The following MAGI2 variants were observed in gnomAD, a reference collection of about 807,000 sequenced individuals.
The protein encoded by MAGI2 is membrane-associated guanylate kinase, WW and PDZ domain-containing protein 2.
A neutral mutation model predicts 133.3 loss-of-function variants in MAGI2; 35 were observed. The observed-to-expected ratio is 0.26, with a 90% CI of 0.20 to 0.35. The LOEUF (loss-of-function observed/expected upper bound fraction) is 0.35. Ranked by LOEUF, MAGI2 falls within the 10% of genes least tolerant of loss-of-function variation. The pLI is 1.00. For synonymous variants in MAGI2, 729 were observed against 710.6 expected, an observed-to-expected ratio of 1.03 and a Z score of -0.41; for missense variants, 1,636 against 1,863.4, an observed-to-expected ratio of 0.88 and a Z score of 2.25.
At chr7:78,908,635 G>A (rs2151608607) in intron 2 of MAGI2, among the ~76,000 whole-genome samples, 1 of 152,268 alleles carries the variant, frequency 6.6e-6, no homozygotes, top group African/African-American at 2.4e-5. Context: ...AATCAACTGA[G>A]AAAGAAAATA....
intron 1 of MAGI2, among the ~76,000 whole-genome samples, chr7:79,268,410 G>A (rs1834636337): frequency 1.3e-5 from 2 of 152,206 alleles, no homozygotes; most frequent in South Asian, 4.1e-4. Context: ...AGGCATTGAC[G>A]ATGTATTAAG....
chr7:78,991,596 T>C (rs2116335662), intron 2 of MAGI2, among the ~76,000 whole-genome samples: 1 of 151,970 alleles, frequency 6.6e-6, no homozygotes, highest in Admixed American at 6.6e-5. Context: ...TGTCCTTTTT[T>C]TTTTTTTTTA....
In MAGI2 at chr7:79,075,708, G is replaced by A. The variant is rs369693839; in HGVS notation, c.302-68502C>T. Among the ~76,000 whole-genome samples the A allele has an allele frequency of 2.0e-5, 3 of 152,190 alleles. No homozygotes were observed. In the East Asian group the frequency reaches 5.8e-4, roughly 29 times the overall value. On this transcript the variant is annotated intron_variant, in intron 1 of 21. Coordinates refer to ENST00000354212, the MANE Select transcript of MAGI2 (RefSeq NM_012301.4). ...GAACCCAGGAAGTGGAGGTTGCAGT[G>A]AGCTGAGATCACGCCACTGCACTCC...
chr7:78,711,879 A>C (rs1434502665), intron 2 of MAGI2, among the ~76,000 whole-genome samples: 1 of 152,172 alleles, frequency 6.6e-6, no homozygotes, highest in Non-Finnish European at 1.5e-5. Context: ...TCCAAAAACT[A>C]TTTCTATTTG....
chr7:79,070,779 C>T (rs2117153743), intron 1 of MAGI2, among the ~76,000 whole-genome samples: 1 of 152,198 alleles, frequency 6.6e-6, no homozygotes, highest in South Asian at 2.1e-4. Flanking sequence ...GTGTGAGCCA[C>T]CGCGCCCAGC....
rs145855318 is a variant in MAGI2, at chr7:78,680,458, A to C, written c.419-53219T>G. Among the ~76,000 whole-genome samples, 446 of 152,244 alleles carry C rather than the reference A, an allele frequency of 2.9e-3. 5 individuals are homozygous for C. The highest frequency in any genetic ancestry group is 0.01 in the African/African-American group (419 of 41,562). ...GGGTTTGTAAAAGTGGGAAGTAAGG[A>C]GCAATAAAAGAACAGGATTGAGAAA... On this transcript the variant is annotated intron_variant, in intron 2 of 21. Coordinates refer to ENST00000354212, the MANE Select transcript of MAGI2 (RefSeq NM_012301.4).
chr7:78,365,011 A>C (rs1262219453), intron 7 of MAGI2, among the ~76,000 whole-genome samples: 1 of 152,218 alleles, frequency 6.6e-6, no homozygotes, highest in African/African-American at 2.4e-5. Flanking sequence ...CAGCAGATAA[A>C]ATTTAAAAAG....
chr7:78,201,549 C>T (rs73148282), intron 10 of MAGI2, among the ~76,000 whole-genome samples: 39,239 of 152,070 alleles, frequency 0.26, 5,385 homozygotes, highest in Middle Eastern at 0.36. Flanking sequence ...TATTGACATA[C>T]ATTTTGATTT....
At chr7:78,923,740 G>C (rs1325026974) in intron 2 of MAGI2, among the ~76,000 whole-genome samples, 5 of 152,116 alleles carry the variant, frequency 3.3e-5, no homozygotes, top group Non-Finnish European at 5.9e-5. Context: ...GAAAGTAATT[G>C]GTAGCTTGAT....
chr7:79,273,580 C>T (rs1454331716), intron 1 of MAGI2, among the ~76,000 whole-genome samples: 12 of 151,456 alleles, frequency 7.9e-5, no homozygotes, highest in Admixed American at 4.6e-4. Flanking sequence ...GCCATTTTGT[C>T]GTCAGAATTG....
chr7:78,775,865 C>A (rs528675936), intron 2 of MAGI2, among the ~76,000 whole-genome samples: 27 of 152,276 alleles, frequency 1.8e-4, no homozygotes, highest in African/African-American at 6.3e-4. Flanking sequence ...GTATCTTATT[C>A]TCTAATCAGC....
At chr7:79,166,430 C>T (rs145056977) in intron 1 of MAGI2, among the ~76,000 whole-genome samples, 277 of 152,178 alleles carry the variant, frequency 1.8e-3, no homozygotes, top group African/African-American at 6.3e-3. Context: ...GGAGGAAGAT[C>T]CCAACGCCTC....
At chr7:78,762,103 T>C (rs1824568123) in intron 2 of MAGI2, among the ~76,000 whole-genome samples, 1 of 126,980 alleles carries the variant, frequency 7.9e-6, no homozygotes, top group African/African-American at 3.0e-5. Flanking sequence ...TCTAGTAAAA[T>C]TAACTTTTGT....
intron 2 of MAGI2, among the ~76,000 whole-genome samples, chr7:78,987,715 A>C (rs1805392836): frequency 6.6e-6 from 1 of 151,948 alleles, no homozygotes; most frequent in Admixed American, 6.6e-5. Flanking sequence ...TATTAAAAAC[A>C]GTTTCATTTA....
intron 1 of MAGI2, among the ~76,000 whole-genome samples, chr7:79,392,957 G>T (rs1844778179): frequency 6.6e-6 from 1 of 152,152 alleles, no homozygotes; most frequent in Non-Finnish European, 1.5e-5. Context: ...ACTAGGATTT[G>T]TTAATTGTCT....
chr7:78,394,864 A>G (rs555270086), intron 6 of MAGI2, among the ~76,000 whole-genome samples: 18 of 152,344 alleles, frequency 1.2e-4, no homozygotes, highest in Middle Eastern at 3.4e-3. Flanking sequence ...AAGAGCACAC[A>G]TGACTTATAA....
chr7:79,436,607 G>A (rs1269436156), intron 1 of MAGI2, among the ~76,000 whole-genome samples: 1 of 152,018 alleles, frequency 6.6e-6, no homozygotes, highest in Non-Finnish European at 1.5e-5. Context: ...TACTGAGCAT[G>A]ACTAATCTTC....
chr7:79,063,815 G>C (rs1347168902), intron 1 of MAGI2, among the ~76,000 whole-genome samples: 3 of 151,926 alleles, frequency 2.0e-5, no homozygotes, highest in Non-Finnish European at 2.9e-5. Context: ...AAACAGACTA[G>C]ATCTACTTCA....
intron 2 of MAGI2, among the ~76,000 whole-genome samples, chr7:78,938,684 G>A (rs921677033): frequency 1.1e-4 from 17 of 152,126 alleles, no homozygotes; most frequent in Admixed American, 1.3e-4. Context: ...AAATCTCACC[G>A]ACAGCTTGTA....
Sources: gnomAD v4.1 joint callset for allele counts (sites outside exome capture counted in the v4.1 genomes callset) on GRCh38, gnomAD v4.1.1 for gene constraint, MANE v1.5 for transcripts, NCBI Gene and HGNC (gene_info 2026-07-23, HGNC 2026-07-21) for gene names.